NRXN3: variants seen among roughly 807,000 people sequenced by gnomAD.
The protein encoded by NRXN3 is neurexin III.
Under a neutral mutation model 137.6 loss-of-function variants are expected in NRXN3, and 32 were observed. The observed-to-expected ratio is 0.23, with a 90% CI of 0.18 to 0.31. The LOEUF (loss-of-function observed/expected upper bound fraction) is 0.31. Ranked by LOEUF, NRXN3 falls within the 10% of genes least tolerant of loss-of-function variation. The pLI is 1.00. For synonymous variants in NRXN3, 798 were observed against 784.5 expected (o/e 1.02, Z -0.29); for missense variants, 1,574 against 2,062.5 (o/e 0.76, Z 4.59).
At chr14:78,461,272 G>T (rs1039042567) in intron 4 of NRXN3, among the ~76,000 whole-genome samples, 1 of 152,134 alleles carries the variant, frequency 6.6e-6, no homozygotes, top group African/African-American at 2.4e-5. Flanking sequence ...ATTGCATATT[G>T]TCCTTACAGA....
intron 8 of NRXN3, among the ~76,000 whole-genome samples, chr14:78,794,053 G>C (rs759918339): frequency 6.6e-6 from 1 of 152,198 alleles, no homozygotes; most frequent in African/African-American, 2.4e-5. Context: ...GAATAAGGCA[G>C]TTTTACTGGG....
chr14:79,026,611 G>A (rs758497855), intron 15 of NRXN3, among the ~76,000 whole-genome samples: 21 of 152,168 alleles, frequency 1.4e-4, no homozygotes, highest in East Asian at 3.9e-4. Context: ...CCCCAGTAAC[G>A]GAACTGCAGG....
chr14:78,586,149 T>TA (rs2097059932), intron 4 of NRXN3, among the ~76,000 whole-genome samples: 1 of 152,214 alleles, frequency 6.6e-6, no homozygotes, highest in Non-Finnish European at 1.5e-5. Flanking sequence ...GTTGTTGAGC[T>TA]ACAACAGGAG....
intron 10 of NRXN3, among the ~76,000 whole-genome samples, chr14:78,853,427 G>C (rs31356): frequency 1.2e-4 from 18 of 152,018 alleles, no homozygotes; most frequent in Admixed American, 8.5e-4. Context: ...CAGGTTTGTT[G>C]CATAGCTAAA....
intron 16 of NRXN3, among the ~76,000 whole-genome samples, chr14:79,607,302 G>A (rs1602944242): frequency 6.6e-6 from 1 of 152,160 alleles, no homozygotes; most frequent in Non-Finnish European, 1.5e-5. Context: ...GAAAACACAG[G>A]TGTTAAACAG....
intron 15 of NRXN3, among the ~76,000 whole-genome samples, chr14:79,020,808 A>G (rs1021297670): frequency 6.6e-6 from 1 of 151,868 alleles, no homozygotes; most frequent in East Asian, 1.9e-4. Flanking sequence ...TCCTAAGTTC[A>G]CACCAATGAA....
chr14:79,028,652 C>A, intron 15 of NRXN3, among the ~76,000 whole-genome samples: 1 of 152,040 alleles, frequency 6.6e-6, no homozygotes. Flanking sequence ...AGAGAGAATA[C>A]AAATGTGGAC....
rs76329234 is a variant in NRXN3, at chr14:78,990,115, A to G, written c.3262+1974A>G. The stretch of plus-strand genomic sequence containing the variant: ...AAGCACTAGAACTTACATTGGGAAA[A>G]TGTCAGCTTTCCTTTGTGGCAACAG... On this transcript the variant is annotated intron_variant, in intron 15 of 20. Coordinates refer to ENST00000335750, the MANE Select transcript of NRXN3 (RefSeq NM_001330195.2). Among the ~76,000 whole-genome samples the G allele has an allele frequency of 2.5e-3, 377 of 152,330 alleles. 1 individual carries two copies. The highest frequency in any genetic ancestry group is 3.0e-3 in the Non-Finnish European group (201 of 68,030).
chr14:79,028,621 G>A (rs978941107), intron 15 of NRXN3, among the ~76,000 whole-genome samples: 1 of 152,152 alleles, frequency 6.6e-6, no homozygotes, highest in Non-Finnish European at 1.5e-5. Context: ...TAAATGACTG[G>A]TGTTTGGGAA....
intron 15 of NRXN3, among the ~76,000 whole-genome samples, chr14:78,994,119 G>A (rs2099524951): frequency 6.6e-6 from 1 of 152,004 alleles, no homozygotes; most frequent in Non-Finnish European, 1.5e-5. Context: ...CTCCCAAAGT[G>A]CTGGGATTAC....
At chr14:78,934,886 A>G (rs997052336) in intron 10 of NRXN3, among the ~76,000 whole-genome samples, 1 of 152,026 alleles carries the variant, frequency 6.6e-6, no homozygotes, top group Non-Finnish European at 1.5e-5. Context: ...GGTGCAGCAC[A>G]CCAACATGGC....
chr14:78,919,503 T>A (rs1199298164), intron 10 of NRXN3, among the ~76,000 whole-genome samples: 1 of 152,212 alleles, frequency 6.6e-6, no homozygotes. Context: ...TCATTTAAGC[T>A]GAATTGGGAT....
At chr14:78,894,579 A>G (rs2099168139) in intron 10 of NRXN3, among the ~76,000 whole-genome samples, 1 of 151,918 alleles carries the variant, frequency 6.6e-6, no homozygotes, top group Non-Finnish European at 1.5e-5. Context: ...ACTCCTGTTA[A>G]TGTTGATATT....
intron 10 of NRXN3, among the ~76,000 whole-genome samples, chr14:78,871,271 G>A (rs777917159): frequency 3.3e-5 from 5 of 151,586 alleles, no homozygotes; most frequent in African/African-American, 9.7e-5. Context: ...GTGAGATGAC[G>A]TCTTATCGTA....
At chr14:78,849,902 G>A (rs1299401117) in intron 10 of NRXN3, among the ~76,000 whole-genome samples, 2 of 152,046 alleles carry the variant, frequency 1.3e-5, no homozygotes, top group Non-Finnish European at 2.9e-5. Flanking sequence ...AGGAAAGGGT[G>A]GAAAGAAATG....
chr14:78,289,892 A>C (rs1206678474), intron 3 of NRXN3, among the ~76,000 whole-genome samples: 1 of 152,194 alleles, frequency 6.6e-6, no homozygotes, highest in African/African-American at 2.4e-5. Context: ...CCAGCCTGGC[A>C]ACAGAGTGAG....
chr14:78,414,233 AGTTGAGAGGAG>A (rs1212645722), intron 4 of NRXN3, among the ~76,000 whole-genome samples: 1 of 151,848 alleles, frequency 6.6e-6, no homozygotes, highest in Non-Finnish European at 1.5e-5. Flanking sequence ...GATATTGTCA[AGTTGAGAGGAG>A]GTAGCGAAGT....
chr14:78,994,710 G>A (rs919593150), intron 15 of NRXN3, among the ~76,000 whole-genome samples: 3 of 152,172 alleles, frequency 2.0e-5, no homozygotes, highest in Non-Finnish European at 4.4e-5. Flanking sequence ...CTTTCTATCT[G>A]TGAAGTTGAA....
intron 15 of NRXN3, among the ~76,000 whole-genome samples, chr14:79,175,162 A>G (rs986342123): frequency 3.3e-5 from 5 of 151,898 alleles, no homozygotes; most frequent in African/African-American, 7.3e-5. Flanking sequence ...TTGTATTTGT[A>G]CTAGAGACAG....
Sources: gnomAD v4.1 joint callset for allele counts (sites outside exome capture counted in the v4.1 genomes callset) on GRCh38, gnomAD v4.1.1 for gene constraint, MANE v1.5 for transcripts, NCBI Gene and HGNC (gene_info 2026-07-23, HGNC 2026-07-21) for gene names.